SULF1: variants seen among roughly 807,000 people sequenced by gnomAD.
SULF1 encodes the protein sulfatase 1.
In SULF1, 46 loss-of-function variants were observed where a neutral mutation model predicts 110.5. The observed-to-expected ratio is 0.42, with a 90% CI of 0.33 to 0.53. The LOEUF (loss-of-function observed/expected upper bound fraction) is 0.53, where lower values mean the gene tolerates loss of function less well. SULF1 is among the 20% of genes least tolerant of loss of function. The pLI is 0.12. For synonymous variants in SULF1, 371 were observed against 387.1 expected (o/e 0.96, Z 0.49); for missense variants, 941 against 1,094.2 (o/e 0.86, Z 1.98).
intron 19 of SULF1, among the ~76,000 whole-genome samples, chr8:69,634,763 C>T (rs1272106457): frequency 6.6e-6 from 1 of 151,780 alleles, no homozygotes; most frequent in Admixed American, 6.6e-5. Flanking sequence ...GAGAGAGAGG[C>T]GGAGAGAATA....
chr8:69,529,910 T>A (rs544804022), intron 3 of SULF1, among the ~76,000 whole-genome samples: 6 of 152,164 alleles, frequency 3.9e-5, no homozygotes, highest in Non-Finnish European at 7.4e-5. Context: ...CCATATTCAG[T>A]GTGGGAGGGA....
chr8:69,556,095 G>C (rs1039304215), intron 3 of SULF1, among the ~76,000 whole-genome samples: 3 of 151,986 alleles, frequency 2.0e-5, no homozygotes, highest in East Asian at 3.9e-4. Flanking sequence ...TCTGTGTGTG[G>C]GTATATATAT....
Position 69,660,372 on chromosome 8 carries a change from T to C in SULF1, c.*1837T>C, listed in dbSNP as rs1563644449. The C allele has an allele frequency of 5.3e-5, 8 of 152,374 alleles. No homozygotes were observed. The highest frequency in any genetic ancestry group is 3.9e-4 in the Admixed American group (6 of 15,284). The allele number at this position is 152,374 out of a possible 1,614,324, so 9.4% of individuals were successfully genotyped here. A position where few individuals can be genotyped will look rare whatever the true frequency, so the allele number is the denominator to read the frequency against. The stretch of plus-strand genomic sequence containing the variant: ...TTGTAAGACCTTCACCAAGTTCTGA[T>C]ATCTTTTAAAGACATAGTTCAAAAT... On this transcript the variant is annotated 3_prime_UTR_variant, in exon 23 of 23. Coordinates refer to ENST00000402687, the MANE Select transcript of SULF1 (RefSeq NM_001128205.2).
At chr8:69,474,387 A>T (rs1419430758) in intron 1 of SULF1, among the ~76,000 whole-genome samples, 1 of 152,194 alleles carries the variant, frequency 6.6e-6, no homozygotes, top group South Asian at 2.1e-4. Context: ...GCCAATTTAA[A>T]GTTTCACCCT....
chr8:69,538,419 C>T (rs534392840), intron 3 of SULF1, among the ~76,000 whole-genome samples: 1 of 152,194 alleles, frequency 6.6e-6, no homozygotes, highest in East Asian at 1.9e-4. Context: ...CTTGAGATTT[C>T]TAGGTTAAGT....
chr8:69,634,317 A>C (rs994214571), intron 19 of SULF1, among the ~76,000 whole-genome samples: 1 of 152,226 alleles, frequency 6.6e-6, no homozygotes, highest in Non-Finnish European at 1.5e-5. Flanking sequence ...ATAATTTAGA[A>C]GTTCTTTAGA....
intron 22 of SULF1, 103 bp downstream of exon 22, chr8:69,640,944 A>C: frequency 9.5e-7 from 1 of 1,053,940 alleles, no homozygotes; most frequent in African/African-American, 1.6e-5. Flanking sequence ...CACAGAGCAA[A>C]GCTGGGGGTG....
chr8:69,620,156 C>T (rs192092699), intron 13 of SULF1, among the ~76,000 whole-genome samples: 1 of 152,250 alleles, frequency 6.6e-6, no homozygotes, highest in African/African-American at 2.4e-5. Context: ...TGGCCACACT[C>T]CTCTCTGACC....
intron 8 of SULF1, among the ~76,000 whole-genome samples, chr8:69,599,494 C>A (rs1271567957): frequency 3.9e-5 from 6 of 152,116 alleles, no homozygotes; most frequent in Non-Finnish European, 5.9e-5. Flanking sequence ...CTCAACTTTG[C>A]CAAGGCTTGA....
rs6984529 is a variant in SULF1, at chr8:69,576,064, G to A, written c.267G>A (p.Pro89=). 7.1e-4 allele frequency: 1,154 copies of A among 1,614,146 alleles called. 6 individuals are homozygous for A. The African/African-American group carries it at 0.012, about 17-fold the overall frequency. The change falls in exon 6 of 23, where the codon CCG becomes CCA. Residue 89 remains proline (P), a synonymous_variant. Transcript: ENST00000402687. ...TTGTGACTACACCCATGTGCTGCCC[G>A]TCACGGTCCTCCATGCTCACCGGGA... The part of the protein sequence containing the change: ...NAFVTTPMCC[P]SRSSMLTGKY...
chr8:69,641,993 C>T (rs1362227765), intron 22 of SULF1, among the ~76,000 whole-genome samples: 1 of 152,010 alleles, frequency 6.6e-6, no homozygotes, highest in African/African-American at 2.4e-5. Flanking sequence ...GTCTGCCACC[C>T]GAAGCAGCTG....
At chr8:69,546,030 T>G (rs1278004650) in intron 3 of SULF1, among the ~76,000 whole-genome samples, 1 of 152,180 alleles carries the variant, frequency 6.6e-6, no homozygotes, top group African/African-American at 2.4e-5. Context: ...CACACAATCC[T>G]TTCATTACGT....
chr8:69,548,788 CCAAAA>C (rs372214784), intron 3 of SULF1, among the ~76,000 whole-genome samples: 17 of 151,658 alleles, frequency 1.1e-4, no homozygotes, highest in South Asian at 4.2e-4. Context: ...GGACCCAGAG[CCAAAA>C]CAAAACAAAA....
At chr8:69,484,252 A>C (rs1809611765) in intron 1 of SULF1, among the ~76,000 whole-genome samples, 1 of 152,240 alleles carries the variant, frequency 6.6e-6, no homozygotes, top group African/African-American at 2.4e-5. Context: ...TATATGGAAA[A>C]ATATTTGCAT....
chr8:69,593,030 T>C (rs920393024), intron 8 of SULF1: 1 of 918,864 alleles, frequency 1.1e-6, no homozygotes, highest in Non-Finnish European at 1.3e-6. Flanking sequence ...AAATGAAAAT[T>C]CATGTGATTG....
At chr8:69,560,090 G>A (rs1815378931) in intron 3 of SULF1, among the ~76,000 whole-genome samples, 1 of 152,106 alleles carries the variant, frequency 6.6e-6, no homozygotes, top group Admixed American at 6.5e-5. Context: ...GGGTCACAGG[G>A]TCCTCCAAAC....
intron 6 of SULF1, among the ~76,000 whole-genome samples, chr8:69,582,898 T>C (rs1327099720): frequency 6.6e-6 from 1 of 152,188 alleles, no homozygotes; most frequent in Non-Finnish European, 1.5e-5. Flanking sequence ...TGTGGTTCTA[T>C]GTGAAAAGGT....
At chr8:69,559,022 A>G (rs1481908327) in intron 3 of SULF1, among the ~76,000 whole-genome samples, 1 of 152,212 alleles carries the variant, frequency 6.6e-6, no homozygotes, top group Non-Finnish European at 1.5e-5. Context: ...ATCTGAAAAG[A>G]AGGAAGTCGA....
intron 6 of SULF1, 115 bp from the exon 7 acceptor site, chr8:69,586,242 A>T: frequency 9.2e-7 from 1 of 1,091,540 alleles, no homozygotes; most frequent in Non-Finnish European, 1.3e-6. Flanking sequence ...ATTCACTATT[A>T]CCTAGGGCAA....
Sources: gnomAD v4.1 joint callset for allele counts (sites outside exome capture counted in the v4.1 genomes callset) on GRCh38, gnomAD v4.1.1 for gene constraint, MANE v1.5 for transcripts, NCBI Gene and HGNC (gene_info 2026-07-23, HGNC 2026-07-21) for gene names.